Variants in RYR3 observed in about 807,000 individuals in gnomAD.
RYR3 encodes brain ryanodine receptor-calcium release channel.
A neutral mutation model predicts 584.3 loss-of-function variants in RYR3; 207 were observed. The observed-to-expected ratio is 0.35, with a 90% CI of 0.32 to 0.40. RYR3 has a LOEUF of 0.40. Ranked by LOEUF, RYR3 falls within the 10% of genes least tolerant of loss-of-function variation. The pLI is 1.00. For synonymous variants in RYR3, 2,416 were observed against 2,248.5 expected, an observed-to-expected ratio of 1.07 and a Z score of -2.11; for missense variants, 5,616 against 6,089.2, an observed-to-expected ratio of 0.92 and a Z score of 2.59.
At chr15:33,706,442 T>C (rs1438081358) in intron 42 of RYR3, among the ~76,000 whole-genome samples, 1 of 152,212 alleles carries the variant, frequency 6.6e-6, no homozygotes, top group African/African-American at 2.4e-5. Flanking sequence ...TCTGTCTTTA[T>C]GGGTTTTACT....
chr15:33,336,931 G>T (rs1393768402), intron 1 of RYR3, among the ~76,000 whole-genome samples: 2 of 151,540 alleles, frequency 1.3e-5, no homozygotes, highest in Non-Finnish European at 2.9e-5. Context: ...GGTGGCGGGT[G>T]CCTGTAGTCC....
intron 67 of RYR3, among the ~76,000 whole-genome samples, chr15:33,790,661 G>C (rs948649443): frequency 9.2e-5 from 14 of 152,140 alleles, no homozygotes; most frequent in African/African-American, 3.1e-4. Flanking sequence ...TTGCATATAA[G>C]ATTCAGAGTT....
At chr15:33,803,466 A>G (rs2076022001) in intron 69 of RYR3, among the ~76,000 whole-genome samples, 2 of 151,610 alleles carry the variant, frequency 1.3e-5, no homozygotes, top group African/African-American at 4.9e-5. Flanking sequence ...CTCTTCTTTG[A>G]CTCATCTACC....
At chr15:33,491,535 A>G (rs1836550) in intron 2 of RYR3, among the ~76,000 whole-genome samples, 2,391 of 152,262 alleles carry the variant, frequency 0.016, 59 homozygotes, top group African/African-American at 0.055. Context: ...CAATGCATTC[A>G]TTCTGCCTAG....
At chr15:33,317,617 A>G (rs1362994127) in intron 1 of RYR3, among the ~76,000 whole-genome samples, 1 of 152,214 alleles carries the variant, frequency 6.6e-6, no homozygotes, top group Non-Finnish European at 1.5e-5. Context: ...ATCCTGCTAC[A>G]GGGATGAGCC....
rs61585713 is a variant in RYR3, at chr15:33,445,664, AACACACACACACACACACAC to A, written c.52-27724_52-27705del. 4.3e-4 allele frequency among the ~76,000 whole-genome samples: 46 copies of A among 106,038 alleles called. 1 individual carries two copies. The South Asian group carries it at 5.4e-3, about 13-fold the overall frequency. 69.6% of individuals were successfully genotyped at this position (106,038 alleles called of 152,430 possible). A position where few individuals can be genotyped will look rare whatever the true frequency, so the allele number is the denominator to read the frequency against. On this transcript the variant is annotated intron_variant, in intron 1 of 103. Coordinates refer to ENST00000634891, the MANE Select transcript of RYR3 (RefSeq NM_001036.6). ...AATAAATACCACCCTTTCCCCCACC[AACACACACACACACACACAC>A]ACACACACACACACACACACACACA...
At position 33,821,301 on chromosome 15, in the gene RYR3, A is replaced by G. The variant is rs1390577545; in HGVS notation, c.10847A>G (p.Tyr3616Cys). The G allele has an allele frequency of 2.5e-6, 4 of 1,601,804 alleles. No homozygotes were observed. Among genetic ancestry groups the G allele is most frequent in the East Asian group, 4.5e-5 (2 of 44,420 alleles). ...GAGATGGAGAAGCAAAAAACCCTCT[A>G]TCAGCAAGCTCGGCTGCATGAGCGT... is the stretch of plus-strand genomic sequence containing the variant. ...EKEMEKQKTL[Y>C]QQARLHERGA... Residue 3616 changes from tyrosine to cysteine, a missense_variant, in exon 79 of 104, where the codon TAT becomes TGT. Around this residue, in one of 9 missense-constraint regions of RYR3, gnomAD observed 954 missense variants for 1,132.2 expected, o/e 0.84. Coordinates refer to ENST00000634891, the MANE Select transcript of RYR3 (RefSeq NM_001036.6).
chr15:33,493,411 G>T (rs574318326), intron 2 of RYR3, among the ~76,000 whole-genome samples: 1 of 152,030 alleles, frequency 6.6e-6, no homozygotes, highest in Non-Finnish European at 1.5e-5. Flanking sequence ...GGATTGTTAC[G>T]TTCCCATTAA....
In RYR3 at chr15:33,636,480, A is replaced by G. The variant is rs765093015; in HGVS notation, c.3486A>G (p.Thr1162=). 1 of 1,613,314 alleles carries G rather than the reference A, an allele frequency of 6.2e-7. No individual in the cohort carries two copies. The highest frequency in any genetic ancestry group is 1.7e-5 in the Admixed American group (1 of 59,914). ...INLDDASMIF[T]LNGELLITNK... is the part of the protein sequence containing the mutation. ...TGGATGATGCTTCAATGATCTTCACACTGAATGGGGAGCTGCTGATCACCA... is the reference window on the plus strand; with the variant it reads ...TGGATGATGCTTCAATGATCTTCACGCTGAATGGGGAGCTGCTGATCACCA... The change falls in exon 27 of 104, where the codon ACA becomes ACG. Residue 1162 remains threonine (T), a synonymous_variant. Transcript: ENST00000634891.
At position 33,865,161 on chromosome 15, in the gene RYR3, A is replaced by G. The variant is rs777893687; in HGVS notation, c.14548A>G (p.Arg4850Gly). Reference sequence around the variant, plus strand: ...TTATGTCTGGAAGATGTACCAAGAAAGGTGTTGGGATTTCTTCCCAGCCGG... The same window carrying G: ...TTATGTCTGGAAGATGTACCAAGAAGGGTGTTGGGATTTCTTCCCAGCCGG... The part of the protein sequence containing the change: ...ESYVWKMYQE[R>G]CWDFFPAGDC... The change falls in exon 104 of 104, where the codon AGG becomes GGG. Residue 4850 changes from arginine (R) to glycine (G), a missense_variant. Arg to Gly is a moderately radical substitution (Grantham distance 125). Coordinates refer to ENST00000634891, the MANE Select transcript of RYR3 (RefSeq NM_001036.6). 10 of 1,613,780 alleles carry G rather than the reference A, an allele frequency of 6.2e-6. No homozygotes were observed. The highest frequency in any genetic ancestry group is 8.5e-6 in the Non-Finnish European group (10 of 1,179,754).
chr15:33,501,257 T>G (rs2051960827), intron 2 of RYR3, among the ~76,000 whole-genome samples: 1 of 152,184 alleles, frequency 6.6e-6, no homozygotes, highest in Non-Finnish European at 1.5e-5. Flanking sequence ...TATCTATTAG[T>G]GCTTCTCCTT....
chr15:33,670,454 GAC>G lies in RYR3; in HGVS notation c.5761_5762del (p.Thr1921LeufsTer70), dbSNP rs1435007982. The G allele has an allele frequency of 6.2e-7, 1 of 1,613,440 alleles. No individual in the cohort carries two copies. The highest frequency in any genetic ancestry group is 1.7e-5 in the Admixed American group (1 of 59,972). ...PLEEEEEEEEDTSWTGKLCAL... is the reference protein window; with the variant it reads ...PLEEEEEEEEXTSWTGKLCAL... ...GGAAGAAGAGGAAGAGGAGGAGGAG[GAC>G]ACCTCCTGGACAGGAAAACTCTGTG... On this transcript the variant is annotated frameshift_variant, in exon 38 of 104. Coordinates refer to ENST00000634891, the MANE Select transcript of RYR3 (RefSeq NM_001036.6). LOFTEE classifies it high-confidence loss of function.
chr15:33,656,051 A>G (rs1293088587), intron 32 of RYR3, among the ~76,000 whole-genome samples: 1 of 152,232 alleles, frequency 6.6e-6, no homozygotes. Flanking sequence ...AATAAAATCT[A>G]CATTCAAGAG....
intron 38 of RYR3, among the ~76,000 whole-genome samples, chr15:33,694,158 G>GA (rs11421687): frequency 0.43 from 64,205 of 150,934 alleles, 15,568 homozygotes; most frequent in East Asian, 0.63. Flanking sequence ...TAATATCATG[G>GA]AAAAAAAATA....
chr15:33,652,797 G>A lies in RYR3; in HGVS notation c.4222G>A (p.Asp1408Asn). 1.9e-6 allele frequency: 3 copies of A among 1,613,942 alleles called. No individual in the cohort carries two copies. Among genetic ancestry groups the A allele is most frequent in the Non-Finnish European group, 2.5e-6 (3 of 1,179,870 alleles). ...CCAGAGATCAAATCGGAGCAACGTG[G>A]ACCTGGAGATCGGCTGTCTCGTGGA... ...SSQRSNRSNV[D>N]LEIGCLVDLA... is the part of the protein sequence containing the mutation. The change falls in exon 32 of 104, where the codon GAC (aspartate) becomes AAC (asparagine). Residue 1408 changes from aspartate to asparagine, a missense_variant. Coordinates refer to ENST00000634891, the MANE Select transcript of RYR3 (RefSeq NM_001036.6).
At chr15:33,317,450 C>G (rs1474559214) in intron 1 of RYR3, among the ~76,000 whole-genome samples, 1 of 152,044 alleles carries the variant, frequency 6.6e-6, no homozygotes, top group Non-Finnish European at 1.5e-5. Context: ...AGGCTGGTGT[C>G]CTCTCAGCCA....
intron 10 of RYR3, among the ~76,000 whole-genome samples, chr15:33,561,399 G>A (rs945959004): frequency 1.3e-5 from 2 of 152,200 alleles, no homozygotes; most frequent in Non-Finnish European, 2.9e-5. Context: ...GGAGAAGAGT[G>A]CAGACTCTGG....
chr15:33,767,550 GT>G (rs1244309641), intron 60 of RYR3, among the ~76,000 whole-genome samples: 1 of 152,104 alleles, frequency 6.6e-6, no homozygotes, highest in African/African-American at 2.4e-5. Flanking sequence ...AGGTGAGCAG[GT>G]TTTCATCCCC....
intron 67 of RYR3, among the ~76,000 whole-genome samples, chr15:33,795,066 A>C (rs2075511783): frequency 6.6e-6 from 1 of 152,154 alleles, no homozygotes; most frequent in African/African-American, 2.4e-5. Flanking sequence ...AACCACACAA[A>C]ATTACTCTAA....
Sources: allele counts gnomAD v4.1 joint callset (sites outside exome capture counted in the v4.1 genomes callset), GRCh38; gene constraint gnomAD v4.1.1; regional missense constraint gnomAD v4.1.1; transcripts MANE v1.5; gene names NCBI Gene and HGNC (gene_info 2026-07-23, HGNC 2026-07-21).